The following B4GALNT3 variants were observed in gnomAD, a reference collection of about 807,000 sequenced individuals.
B4GALNT3 encodes beta-1,4-N-acetylgalactosaminyltransferase 3.
Under a neutral mutation model 120.2 loss-of-function variants are expected in B4GALNT3, and 86 were observed. The ratio of observed to expected loss-of-function variants is 0.72; its 90% CI spans 0.60 to 0.86. The LOEUF is 0.86. Among genes scored for constraint, B4GALNT3 ranks in the 40% least tolerant of loss-of-function variants. B4GALNT3 has a pLI of 0.00. For missense variants in B4GALNT3, 1,167 were observed against 1,298.9 expected (o/e 0.90, Z 1.56); for synonymous variants, 518 against 510.4 (o/e 1.01, Z -0.20).
intron 1 of B4GALNT3, among the ~76,000 whole-genome samples, chr12:528,737 T>C (rs1435740150): frequency 2.0e-5 from 3 of 152,230 alleles, no homozygotes; most frequent in Admixed American, 2.0e-4. Context: ...GATGTGTGAC[T>C]GGTCCCACAT....
At chr12:513,727 C>A (rs929391964) in intron 1 of B4GALNT3, among the ~76,000 whole-genome samples, 2 of 152,202 alleles carry the variant, frequency 1.3e-5, no homozygotes, top group African/African-American at 4.8e-5. Flanking sequence ...TGGAGTTGCT[C>A]CAGCACCTCT....
chr12:518,216 G>C (rs924696439), intron 1 of B4GALNT3, among the ~76,000 whole-genome samples: 2 of 152,144 alleles, frequency 1.3e-5, no homozygotes, highest in African/African-American at 4.8e-5. Context: ...TTCAGTTCCA[G>C]ATCTTTCTGC....
Position 553,412 on chromosome 12 carries a change from G to A in B4GALNT3, c.1489G>A (p.Ala497Thr). Residue 497 changes from alanine (A) to threonine (T), a missense_variant, in exon 14 of 20, where the codon GCG becomes ACG. Physicochemically the swap from Ala to Thr is moderately conservative, Grantham distance 58. Coordinates refer to ENST00000266383, the MANE Select transcript of B4GALNT3 (RefSeq NM_173593.4). ...CCCCTTCTCCAAGCGGAACTCCACA[G>A]CGTCCTTCCCAGGGAGGACCAGCCA... The part of the protein sequence containing the change: ...LAPFSKRNST[A>T]SFPGRTSHIP... 6.2e-7 allele frequency: 1 copy of A among 1,613,918 alleles called. No homozygotes were observed. Among genetic ancestry groups the A allele is most frequent in the Non-Finnish European group, 8.5e-7 (1 of 1,180,046 alleles).
In B4GALNT3 at chr12:553,296, C is replaced by T; in HGVS notation, c.1373C>T (p.Thr458Ile). 1 of 1,613,610 alleles carries T rather than the reference C, an allele frequency of 6.2e-7. No individual in the cohort carries two copies. The highest frequency in any genetic ancestry group is 8.5e-7 in the Non-Finnish European group (1 of 1,180,034). Reference protein sequence around the residue: ...QNARMLEGRQTPASTLEQDAT... With the variant: ...QNARMLEGRQIPASTLEQDAT... ...GCCAGGATGCTTGAGGGAAGACAGA[C>T]ACCTGCCTCCACCCTGGAGCAAGAT... The change falls in exon 14 of 20, where the codon ACA becomes ATA. Residue 458 changes from threonine to isoleucine, a missense_variant. Physicochemically the swap from Thr to Ile is moderately conservative, Grantham distance 89 (BLOSUM62 -1). Coordinates refer to ENST00000266383, the MANE Select transcript of B4GALNT3 (RefSeq NM_173593.4).
intron 1 of B4GALNT3, among the ~76,000 whole-genome samples, chr12:498,612 C>G (rs1946410972): frequency 6.6e-6 from 1 of 151,054 alleles, no homozygotes; most frequent in African/African-American, 2.5e-5. Context: ...GAACAGGCAT[C>G]ATAGAAGGAA....
Position 550,055 on chromosome 12 carries a change from GCATACAGAAAAGAGAGCAT to G in B4GALNT3, c.997+144_997+162del. 1.1e-6 allele frequency: 1 copy of G among 909,016 alleles called. No individual in the cohort carries two copies. The highest frequency in any genetic ancestry group is 1.7e-5 in the African/African-American group (1 of 59,472). 56.3% of individuals were successfully genotyped at this position (909,016 alleles called of 1,614,324 possible). A position where few individuals can be genotyped will look rare whatever the true frequency, so the allele number is the denominator to read the frequency against. ...TTATCGTCCTTGTAACATAGAACAT[GCATACAGAAAAGAGAGCAT>G]GTAAATAAGTATAAAATATTTACGT... On this transcript the variant is annotated intron_variant, in intron 10 of 19. Transcript: ENST00000266383. The surrounding 1 kb of genome is among the most constrained non-coding windows in gnomAD (Gnocchi z 4.1).
chr12:488,905 A>G (rs1033945379), intron 1 of B4GALNT3, among the ~76,000 whole-genome samples: 2 of 151,436 alleles, frequency 1.3e-5, no homozygotes, highest in Admixed American at 1.3e-4. Flanking sequence ...AAAAAAAAAA[A>G]GTATAACTGA....
chr12:549,965 G>A (rs1680369857), intron 10 of B4GALNT3, 53 bp downstream of exon 10: 1 of 1,539,938 alleles, frequency 6.5e-7, no homozygotes, highest in Admixed American at 1.9e-5. Context: ...GCACTGCCAG[G>A]TCCACTGCTG....
intron 2 of B4GALNT3, among the ~76,000 whole-genome samples, chr12:535,741 C>A (rs376249852): frequency 5.3e-5 from 8 of 152,206 alleles, no homozygotes; most frequent in Non-Finnish European, 1.2e-4. Flanking sequence ...AACCAATGGT[C>A]CCTAAGGAGG....
chr12:517,865 G>A (rs1041747043), intron 1 of B4GALNT3, among the ~76,000 whole-genome samples: 1 of 152,204 alleles, frequency 6.6e-6, no homozygotes, highest in East Asian at 1.9e-4. Context: ...CCTCACCAGT[G>A]GGGCTCCACA....
At chr12:504,172 A>G (rs1246106713) in intron 1 of B4GALNT3, among the ~76,000 whole-genome samples, 2 of 151,376 alleles carry the variant, frequency 1.3e-5, no homozygotes, top group African/African-American at 4.9e-5. Flanking sequence ...AAGAAAGAAA[A>G]GTGAAGGCTG....
chr12:511,342 TTCC>T (rs1946552270), intron 1 of B4GALNT3, among the ~76,000 whole-genome samples: 1 of 98,726 alleles, frequency 1.0e-5, no homozygotes. Context: ...TCCACCTTCC[TTCC>T]ACCTTCCACC....
chr12:551,916 C>T (rs531105857), intron 11 of B4GALNT3, 147 bp from the exon 12 acceptor site: 21 of 665,440 alleles, frequency 3.2e-5, no homozygotes, highest in Admixed American at 1.2e-4. Flanking sequence ...TTTCATTCGG[C>T]GCTCAGAGCA....
chr12:477,521 C>G (rs1338672897), intron 1 of B4GALNT3, among the ~76,000 whole-genome samples: 2 of 152,158 alleles, frequency 1.3e-5, no homozygotes, highest in Admixed American at 1.3e-4. Flanking sequence ...GGCCAAGGCT[C>G]GACATTCTTC....
rs999535374 is a variant in B4GALNT3 at position 559,381 on chromosome 12, C to A, written c.2848C>A (p.Arg950=). 1 of 1,613,974 alleles carries A rather than the reference C, an allele frequency of 6.2e-7. No individual in the cohort carries two copies. Among genetic ancestry groups the A allele is most frequent in the Non-Finnish European group, 8.5e-7 (1 of 1,179,960 alleles). Residue 950 remains arginine (R), a synonymous_variant, in exon 19 of 20, where the codon CGA becomes AGA. Transcript: ENST00000266383. ...RIGGMNTKEF[R]DRWGGEDWEL... is the part of the protein sequence containing the mutation. ...TGGGGGCATGAACACCAAGGAGTTC[C>A]GAGACCGCTGGGGCGGGGAAGACTG...
chr12:526,511 G>A (rs11834014), intron 1 of B4GALNT3, among the ~76,000 whole-genome samples: 2,835 of 152,254 alleles, frequency 0.019, 97 homozygotes, highest in African/African-American at 0.064. Flanking sequence ...CATGGGCTCC[G>A]GCCAGTCTTA....
chr12:500,865 C>CTTTTTTTTTTTTTTTTTATTTTTTT (rs1946433765), intron 1 of B4GALNT3, among the ~76,000 whole-genome samples: 1 of 61,830 alleles, frequency 1.6e-5, no homozygotes, highest in Non-Finnish European at 2.7e-5. Flanking sequence ...GGCTCCACTG[C>CTTTTTTTTTTTTTTTTTATTTTTTT]TTTTTTTTTT....
Position 550,082 on chromosome 12 carries a change from A to C in B4GALNT3, c.997+170A>C, listed in dbSNP as rs1445500847. Among the ~76,000 whole-genome samples, 1 of 152,260 alleles carries C rather than the reference A, an allele frequency of 6.6e-6. No individual in the cohort carries two copies. The highest frequency in any genetic ancestry group is 1.9e-4 in the East Asian group (1 of 5,206). ...ATACAGAAAAGAGAGCATGTAAATA[A>C]GTATAAAATATTTACGTGTAATTTT... On this transcript the variant is annotated intron_variant, in intron 10 of 19. Coordinates refer to ENST00000266383, the MANE Select transcript of B4GALNT3 (RefSeq NM_173593.4). The surrounding 1 kb of genome is among the most constrained non-coding windows in gnomAD (Gnocchi z 4.1).
intron 1 of B4GALNT3, among the ~76,000 whole-genome samples, chr12:513,841 A>G (rs757176417): frequency 6.6e-6 from 1 of 152,196 alleles, no homozygotes; most frequent in Non-Finnish European, 1.5e-5. Flanking sequence ...CTCTGACCTC[A>G]GTTTCCCAAA....
Sources: allele counts gnomAD v4.1 joint callset (sites outside exome capture counted in the v4.1 genomes callset), GRCh38; gene constraint gnomAD v4.1.1; non-coding constraint Gnocchi (gnomAD v3.1); transcripts MANE v1.5; gene names NCBI Gene and HGNC (gene_info 2026-07-23, HGNC 2026-07-21).